RBM41: variants seen among roughly 807,000 people sequenced by gnomAD.
RBM41 encodes the protein RNA binding motif protein 41.
Under a neutral mutation model 30.8 loss-of-function variants are expected in RBM41, and 14 were observed. The observed-to-expected ratio is 0.45, with a 90% CI of 0.30 to 0.71. The LOEUF (loss-of-function observed/expected upper bound fraction) is 0.71. Ranked by LOEUF, RBM41 falls within the 30% of genes least tolerant of loss-of-function variation. RBM41 has a pLI of 0.08. For synonymous variants in RBM41, 120 were observed against 110.1 expected (o/e 1.09, Z -0.56); for missense variants, 276 against 326.3 (o/e 0.85, Z 1.19).
chrX:107,061,722 G>T (rs1188609160), downstream of RBM41, among the ~76,000 whole-genome samples: 1 of 110,659 alleles, frequency 9.0e-6, no homozygotes, highest in Non-Finnish European at 1.9e-5. Context: ...GAGGTTACTC[G>T]CATGAGCCAC....
At chrX:107,089,634 G>C (rs191448174) in intron 5 of RBM41, among the ~76,000 whole-genome samples, 2 of 112,214 alleles carry the variant, frequency 1.8e-5, no homozygotes, top group East Asian at 2.8e-4. Flanking sequence ...GGACAGTGCT[G>C]ATCCAGAGGT....
In RBM41 at chrX:107,067,633, A is replaced by G. The variant is rs375893620; in HGVS notation, c.1208T>C (p.Ile403Thr). ...GTTCTTTCCAAACTCTATCACCAAT[A>G]TTTTCCCATGTAGTTTGTATCCATT... ...LVNGYKLHGKILVIEFGKNKK... is the reference protein window; with the variant it reads ...LVNGYKLHGKTLVIEFGKNKK... Residue 403 changes from isoleucine (I) to threonine (T), a missense_variant, in exon 8 of 8, where the codon ATA (isoleucine) becomes ACA (threonine). Coordinates refer to ENST00000685964, the MANE Select transcript of RBM41 (RefSeq NM_001324242.2). The G allele has an allele frequency of 5.0e-6, 6 of 1,208,518 alleles. No individual in the cohort carries two copies. The African/African-American group carries it at 8.7e-5, about 18-fold the overall frequency.
chrX:107,067,496 G>T lies in RBM41; in HGVS notation c.*31C>A. On this transcript the variant is annotated 3_prime_UTR_variant, in exon 8 of 8. Coordinates refer to ENST00000685964, the MANE Select transcript of RBM41 (RefSeq NM_001324242.2). ...AGATCCAAGATTCCAATTCAAGAAAGACCATCCAGGACCCACAATTTATAT... is the reference window on the plus strand; with the variant it reads ...AGATCCAAGATTCCAATTCAAGAAATACCATCCAGGACCCACAATTTATAT... 8.8e-7 allele frequency: 1 copy of T among 1,136,949 alleles called. No individual in the cohort carries two copies. 93.7% of individuals were successfully genotyped at this position (1,136,949 alleles called of 1,213,427 possible). A position where few individuals can be genotyped will look rare whatever the true frequency, so the allele number is the denominator to read the frequency against.
rs753890234 is a variant in RBM41, at chrX:107,115,337, G to A, written c.523+15C>T. The A allele has an allele frequency of 8.3e-7, 1 of 1,203,772 alleles. No homozygotes were observed. Among genetic ancestry groups the A allele is most frequent in the East Asian group, 3.0e-5 (1 of 33,824 alleles). Reference sequence around the variant, plus strand: ...TCAGTGAAAGAATATATCAAAGTCAGTGGGGATCACATACCTTGGTAATAA... The same window carrying A: ...TCAGTGAAAGAATATATCAAAGTCAATGGGGATCACATACCTTGGTAATAA... On this transcript the variant is annotated intron_variant, in intron 4 of 7. Transcript: ENST00000685964.
At chrX:107,106,963 T>A in intron 5 of RBM41, among the ~76,000 whole-genome samples, 1 of 111,077 alleles carries the variant, frequency 9.0e-6, no homozygotes, top group Non-Finnish European at 1.9e-5. Context: ...GGCACATGTA[T>A]ACATATGTAA....
At position 107,076,361 on chromosome X, in the gene RBM41, AAAT is replaced by A. The variant is rs1936228354; in HGVS notation, c.1000-6962_1000-6960del. On this transcript the variant is annotated intron_variant, in intron 6 of 7. Transcript: ENST00000685964. ...TAAATAAATAAATAAATAAATAAATAAATAAAATACAATGGAATATTATTTAGC... is the reference window on the plus strand; with the variant it reads ...TAAATAAATAAATAAATAAATAAATAAAAATACAATGGAATATTATTTAGC... Among the ~76,000 whole-genome samples, 3 of 107,748 alleles carry A rather than the reference AAAT, an allele frequency of 2.8e-5. 1 individual carries two copies. Among genetic ancestry groups the A allele is most frequent in the Admixed American group, 2.0e-4 (2 of 10,006 alleles). The allele number at this position is 107,748 out of a possible 115,157, so 93.6% of individuals were successfully genotyped here.
chrX:107,089,525 C>T (rs1263382373), intron 5 of RBM41, among the ~76,000 whole-genome samples: 2 of 111,894 alleles, frequency 1.8e-5, no homozygotes. Context: ...CTCAGCCGAA[C>T]TTAACAAATT....
chrX:107,100,674 C>A (rs1171176660), intron 5 of RBM41, among the ~76,000 whole-genome samples: 3 of 111,138 alleles, frequency 2.7e-5, no homozygotes, highest in African/African-American at 9.8e-5. Flanking sequence ...TTGGGGGAAT[C>A]CCTTCAGAAA....
chrX:107,095,883 G>A (rs1309630596), intron 5 of RBM41, among the ~76,000 whole-genome samples: 1 of 110,573 alleles, frequency 9.0e-6, no homozygotes, highest in African/African-American at 3.3e-5. Context: ...CAAGCATGGT[G>A]GCATGCACCT....
chrX:107,105,071 T>A (rs1923832340), intron 5 of RBM41, among the ~76,000 whole-genome samples: 1 of 110,893 alleles, frequency 9.0e-6, no homozygotes, highest in South Asian at 3.9e-4. Context: ...AAAGAGGAAG[T>A]CAAATTGTCC....
At chrX:107,118,419 C>G (rs934922280) in intron 1 of RBM41, among the ~76,000 whole-genome samples, 3 of 111,274 alleles carry the variant, frequency 2.7e-5, no homozygotes, top group Admixed American at 9.4e-5. Context: ...GGGGCTGGCC[C>G]GAGGTACCTA....
chrX:107,065,202 C>T lies in RBM41; in HGVS notation c.*2325G>A, dbSNP rs1431160412. On this transcript the variant is annotated 3_prime_UTR_variant, in exon 8 of 8. Transcript: ENST00000685964. ...GCATGAAGTGGAATCAGACTTGTTT[C>T]TGACATCTCTGCCTTTTATAGTATT... 1 of 111,586 alleles carries T rather than the reference C, an allele frequency of 9.0e-6. No individual in the cohort carries two copies. The highest frequency in any genetic ancestry group is 1.9e-5 in the Non-Finnish European group (1 of 53,061). The allele number at this position is 111,586 out of a possible 1,213,427, so 9.2% of individuals were successfully genotyped here.
chrX:107,055,246 T>C, the RBM41 span, among the ~76,000 whole-genome samples: 1 of 112,645 alleles, frequency 8.9e-6, no homozygotes, highest in African/African-American at 3.2e-5. Context: ...CATTCATCAG[T>C]TGATGGATAT....
chrX:107,090,774 G>GTTTTA (rs909708378), intron 5 of RBM41, among the ~76,000 whole-genome samples: 1 of 110,921 alleles, frequency 9.0e-6, no homozygotes, highest in African/African-American at 3.3e-5. Context: ...CACTAGAATG[G>GTTTTA]TTTTATTTTA....
At chrX:107,093,095 AT>A (rs1234671663) in intron 5 of RBM41, among the ~76,000 whole-genome samples, 1 of 112,075 alleles carries the variant, frequency 8.9e-6, no homozygotes, top group Non-Finnish European at 1.9e-5. Flanking sequence ...ACACTAAAAA[AT>A]AATTAAGGAT....
At chrX:107,118,486 G>A (rs1925078716) in intron 1 of RBM41, among the ~76,000 whole-genome samples, 1 of 110,904 alleles carries the variant, frequency 9.0e-6, no homozygotes, top group Admixed American at 9.5e-5. Context: ...CTGGGTCCGG[G>A]TGAAACGACG....
At position 107,065,546 on chromosome X, in the gene RBM41, A is replaced by G. The variant is rs1935803326; in HGVS notation, c.*1981T>C. The G allele has an allele frequency of 3.1e-6, 1 of 317,787 alleles. No homozygotes were observed. The highest frequency in any genetic ancestry group is 2.7e-5 in the African/African-American group (1 of 36,854). 26.2% of individuals were successfully genotyped at this position (317,787 alleles called of 1,213,427 possible). Reference sequence around the variant, plus strand: ...ATTGTTATATATGTTATTCCTATACATTACAAACCCAACACACATTATTAT... The same window carrying G: ...ATTGTTATATATGTTATTCCTATACGTTACAAACCCAACACACATTATTAT... On this transcript the variant is annotated 3_prime_UTR_variant, in exon 8 of 8. Transcript: ENST00000685964.
At chrX:107,060,423 A>G (rs1221143342), downstream of RBM41, among the ~76,000 whole-genome samples, 1 of 109,897 alleles carries the variant, frequency 9.1e-6, no homozygotes, top group Non-Finnish European at 1.9e-5. Flanking sequence ...GATGTTATAA[A>G]AAGGGATTTG....
chrX:107,065,701 C>A lies in RBM41; in HGVS notation c.*1826G>T. 1.8e-6 allele frequency: 2 copies of A among 1,121,846 alleles called. No homozygotes were observed. Among genetic ancestry groups the A allele is most frequent in the South Asian group, 2.2e-5 (1 of 44,673 alleles). The allele number at this position is 1,121,846 out of a possible 1,213,427, so 92.5% of individuals were successfully genotyped here. A position where few individuals can be genotyped will look rare whatever the true frequency, so the allele number is the denominator to read the frequency against. Reference sequence around the variant, plus strand: ...CATTTGTTCCTGTGGATTTGTCTTACCATCTGGAGTCAGTTCTTTAGTACA... The same window carrying A: ...CATTTGTTCCTGTGGATTTGTCTTAACATCTGGAGTCAGTTCTTTAGTACA... On this transcript the variant is annotated 3_prime_UTR_variant, in exon 8 of 8. Coordinates refer to ENST00000685964, the MANE Select transcript of RBM41 (RefSeq NM_001324242.2).
Sources: allele counts gnomAD v4.1 joint callset (sites outside exome capture counted in the v4.1 genomes callset), GRCh38; gene constraint gnomAD v4.1.1; transcripts MANE v1.5; gene names NCBI Gene and HGNC (gene_info 2026-07-23, HGNC 2026-07-21).